Variants in PARD3B observed in about 807,000 individuals in gnomAD.
PARD3B encodes partitioning defective 3 homolog B.
A neutral mutation model predicts 130.2 loss-of-function variants in PARD3B; 103 were observed. The observed-to-expected ratio is 0.79, with a 90% CI of 0.67 to 0.93. The LOEUF (loss-of-function observed/expected upper bound fraction) is 0.93. Among genes scored for constraint, PARD3B ranks in the 40% least tolerant of loss-of-function variants. The probability of loss-of-function intolerance (pLI) is 0.00; values close to 1 mark genes in which losing one functional copy is unlikely to be tolerated. For missense variants in PARD3B, 1,609 were observed against 1,499.2 expected (o/e 1.07, Z -1.21); for synonymous variants, 583 against 553.2 (o/e 1.05, Z -0.76).
At chr2:204,861,159 CCTTTCTCTCTCT>C (rs2045170417) in intron 2 of PARD3B, among the ~76,000 whole-genome samples, 3 of 99,638 alleles carry the variant, frequency 3.0e-5, no homozygotes, top group African/African-American at 6.9e-5. Flanking sequence ...CTACCTAATA[CCTTTCTCTCTCT>C]CTCTCTCTCT....
At chr2:204,866,685 A>ATGTGTATATATATGTT (rs1315320725) in intron 2 of PARD3B, among the ~76,000 whole-genome samples, 1 of 151,878 alleles carries the variant, frequency 6.6e-6, no homozygotes, top group Non-Finnish European at 1.5e-5. Context: ...ATACATATAT[A>ATGTGTATATATATGTT]TGTGTATATA....
At chr2:205,080,516 G>A (rs565408579) in intron 4 of PARD3B, among the ~76,000 whole-genome samples, 24 of 152,056 alleles carry the variant, frequency 1.6e-4, no homozygotes, top group South Asian at 6.2e-4. Flanking sequence ...TTGATTCATC[G>A]CTATGTTTTT....
At position 205,280,716 on chromosome 2, in the gene PARD3B, T is replaced by C. The variant is rs1200741760; in HGVS notation, c.2186-19814T>C. Among the ~76,000 whole-genome samples the C allele has an allele frequency of 1.3e-5, 2 of 152,224 alleles. No individual in the cohort carries two copies. The highest frequency in any genetic ancestry group is 2.4e-5 in the African/African-American group (1 of 41,462). On this transcript the variant is annotated intron_variant, in intron 16 of 22. Transcript: ENST00000406610. This position sits in a 1 kb window ranked among gnomAD's most constrained non-coding sequence, Gnocchi z 4.7. ...GTTAATTACCCAGAGCCTTGACATG[T>C]CCTATAATTGCCACTTGGCTAACAA...
intron 18 of PARD3B, among the ~76,000 whole-genome samples, chr2:205,323,997 C>T (rs567809202): frequency 6.6e-6 from 1 of 152,202 alleles, no homozygotes; most frequent in African/African-American, 2.4e-5. Context: ...ATGCTGAGGT[C>T]TTCTCTCTGC....
chr2:204,928,291 C>A (rs1422624660), intron 2 of PARD3B, among the ~76,000 whole-genome samples: 1 of 152,028 alleles, frequency 6.6e-6, no homozygotes, highest in Non-Finnish European at 1.5e-5. Flanking sequence ...CATGCAGGGT[C>A]TCTAGAGGCC....
chr2:204,885,330 T>C (rs538771194), intron 2 of PARD3B, among the ~76,000 whole-genome samples: 10 of 152,338 alleles, frequency 6.6e-5, no homozygotes, highest in African/African-American at 2.4e-4. Flanking sequence ...GGGTTGTTTT[T>C]TTCTTGTAAA....
intron 1 of PARD3B, among the ~76,000 whole-genome samples, chr2:204,619,392 T>G (rs1226756756): frequency 1.3e-5 from 2 of 152,204 alleles, no homozygotes; most frequent in African/African-American, 4.8e-5. Flanking sequence ...TTTCTTCTTT[T>G]GCAAAAGTAA....
chr2:204,873,859 A>G (rs2045733589), intron 2 of PARD3B, among the ~76,000 whole-genome samples: 1 of 152,018 alleles, frequency 6.6e-6, no homozygotes, highest in Admixed American at 6.6e-5. Context: ...AACAAAACTA[A>G]TGGCCATGTG....
At position 205,615,595 on chromosome 2, in the gene PARD3B, G is replaced by A; in HGVS notation, c.3400G>A (p.Val1134Met). Residue 1134 changes from valine (V) to methionine (M), a missense_variant, in exon 23 of 23, where the codon GTG becomes ATG. Transcript: ENST00000406610. ...CTATCCCCGCCCCACAGAGCTCAGG[G>A]TGGCAGATCTCCGGTATCCTCAGCA... ...GSYPRPTELR[V>M]ADLRYPQHYP... 1 of 1,614,064 alleles carries A rather than the reference G, an allele frequency of 6.2e-7. No individual in the cohort carries two copies. The highest frequency in any genetic ancestry group is 8.5e-7 in the Non-Finnish European group (1 of 1,179,960).
intron 15 of PARD3B, among the ~76,000 whole-genome samples, chr2:205,231,068 G>T (rs549497895): frequency 8.5e-5 from 13 of 152,074 alleles, no homozygotes; most frequent in African/African-American, 3.1e-4. Context: ...ATCCCCTTCA[G>T]TGCCTTTTTC....
intron 22 of PARD3B, among the ~76,000 whole-genome samples, chr2:205,583,542 A>G (rs772344596): frequency 1.3e-5 from 2 of 152,212 alleles, no homozygotes; most frequent in African/African-American, 2.4e-5. Flanking sequence ...ATTGTGTGCT[A>G]GGCGCTGTTC....
chr2:205,489,362 A>T (rs1399945680), intron 20 of PARD3B, among the ~76,000 whole-genome samples: 1 of 151,916 alleles, frequency 6.6e-6, no homozygotes, highest in African/African-American at 2.4e-5. Flanking sequence ...CTATAATCCC[A>T]GTGCTTTAGG....
In PARD3B at chr2:204,694,580, C is replaced by T. The variant is rs375003264; in HGVS notation, c.222+8298C>T. ...ACTACCTTTTTCTTCCACCAAACTA[C>T]GTTGTCTCTTTGAAATATTTTATTA... On this transcript the variant is annotated intron_variant, in intron 2 of 22. Coordinates refer to ENST00000406610, the MANE Select transcript of PARD3B (RefSeq NM_001302769.2). 1.6e-3 allele frequency among the ~76,000 whole-genome samples: 248 copies of T among 152,138 alleles called. 10 individuals are homozygous for T. In the South Asian group the frequency reaches 0.05, roughly 31 times the overall value.
intron 1 of PARD3B, among the ~76,000 whole-genome samples, chr2:204,553,650 C>CTA (rs2030662355): frequency 3.8e-5 from 1 of 26,624 alleles, no homozygotes; most frequent in South Asian, 1.1e-3. Context: ...TTATATATAT[C>CTA]CATATATATA....
intron 2 of PARD3B, among the ~76,000 whole-genome samples, chr2:204,792,623 G>T (rs2042236559): frequency 6.6e-6 from 1 of 151,868 alleles, no homozygotes; most frequent in South Asian, 2.1e-4. Context: ...CTCCACCACT[G>T]TCCATTCTTC....
intron 21 of PARD3B, among the ~76,000 whole-genome samples, chr2:205,541,002 C>G (rs904652268): frequency 1.3e-5 from 2 of 152,110 alleles, no homozygotes; most frequent in Non-Finnish European, 2.9e-5. Flanking sequence ...TATATCAAAT[C>G]TACCTTTAAA....
intron 10 of PARD3B, among the ~76,000 whole-genome samples, chr2:205,156,699 G>A (rs566925943): frequency 6.6e-6 from 1 of 152,222 alleles, no homozygotes; most frequent in African/African-American, 2.4e-5. Flanking sequence ...AACCTCACAG[G>A]TTTGTTGTGA....
intron 3 of PARD3B, among the ~76,000 whole-genome samples, chr2:205,023,627 C>G (rs1696798854): frequency 7.0e-6 from 1 of 142,796 alleles, no homozygotes; most frequent in African/African-American, 2.6e-5. Flanking sequence ...TTACAGAGCT[C>G]CGGCTGTAGC....
intron 12 of PARD3B, among the ~76,000 whole-genome samples, chr2:205,174,668 G>A (rs923781079): frequency 6.6e-6 from 1 of 152,052 alleles, no homozygotes; most frequent in East Asian, 1.9e-4. Flanking sequence ...ATACATTCAG[G>A]CAAATCAATT....
Sources: allele counts gnomAD v4.1 joint callset (sites outside exome capture counted in the v4.1 genomes callset), GRCh38; gene constraint gnomAD v4.1.1; non-coding constraint Gnocchi (gnomAD v3.1); transcripts MANE v1.5; gene names NCBI Gene and HGNC (gene_info 2026-07-23, HGNC 2026-07-21).